Variants in BFAR observed in about 807,000 individuals in gnomAD.
BFAR encodes the protein RING finger protein 47.
In BFAR, 52 loss-of-function variants were observed where a neutral mutation model predicts 54.4. The ratio of observed to expected loss-of-function variants is 0.96; its 90% CI spans 0.77 to 1.21. BFAR has a LOEUF of 1.21. Among genes scored for constraint, BFAR ranks in the 50% most tolerant of loss-of-function variants. The probability of loss-of-function intolerance (pLI) is 0.00; values close to 1 mark genes in which losing one functional copy is unlikely to be tolerated. For missense variants in BFAR, 571 were observed against 534.0 expected (o/e 1.07, Z -0.68); for synonymous variants, 215 against 204.3 (o/e 1.05, Z -0.45).
At chr16:14,645,433 GT>G (rs1959764465) in intron 2 of BFAR, among the ~76,000 whole-genome samples, 1 of 152,200 alleles carries the variant, frequency 6.6e-6, no homozygotes, top group Non-Finnish European at 1.5e-5. Flanking sequence ...CATTAATAGA[GT>G]TTCTCATGTG....
At chr16:14,646,164 C>T (rs1959788865) in intron 2 of BFAR, among the ~76,000 whole-genome samples, 1 of 152,184 alleles carries the variant, frequency 6.6e-6, no homozygotes, top group Admixed American at 6.6e-5. Flanking sequence ...CAGTTTTCTC[C>T]TGCCTCAGCT....
In BFAR at chr16:14,655,176, G is replaced by A; in HGVS notation, c.749G>A (p.Gly250Asp). The A allele has an allele frequency of 3.2e-6, 5 of 1,566,040 alleles. No individual in the cohort carries two copies. Among genetic ancestry groups the A allele is most frequent in the Non-Finnish European group, 4.3e-6 (5 of 1,158,132 alleles). ...LMELERVKAL[G>D]VKPPQNLWEY... ...GAGCTAGAACGTGTCAAAGCATTAG[G>A]CGTGAAGCCCCCCCAGAATCTCTGG... The change falls in exon 5 of 8, where the codon GGC becomes GAC. Residue 250 changes from glycine to aspartate, a missense_variant. By Grantham distance (94) the Gly-to-Asp change is moderately conservative. Coordinates refer to ENST00000261658, the MANE Select transcript of BFAR (RefSeq NM_016561.3).
chr16:14,649,682 G>A, intron 3 of BFAR, 122 bp from the exon 4 acceptor site: 2 of 850,418 alleles, frequency 2.4e-6, no homozygotes, highest in Admixed American at 2.8e-5. Context: ...CTGCTTCTGT[G>A]TACGGGCTCC....
chr16:14,659,192 A>G (rs532437242), intron 5 of BFAR, among the ~76,000 whole-genome samples: 2 of 151,426 alleles, frequency 1.3e-5, no homozygotes, highest in South Asian at 2.1e-4. Context: ...TATAGGCGTG[A>G]GCCACCATGC....
intron 1 of BFAR, among the ~76,000 whole-genome samples, chr16:14,643,590 G>A (rs1303733353): frequency 2.0e-5 from 3 of 151,978 alleles, no homozygotes; most frequent in Non-Finnish European, 4.4e-5. Flanking sequence ...GCAATGTGGC[G>A]AAACTGCATC....
chr16:14,635,517 C>T (rs775304254), intron 1 of BFAR, among the ~76,000 whole-genome samples: 12 of 151,994 alleles, frequency 7.9e-5, no homozygotes, highest in Admixed American at 1.3e-4. Flanking sequence ...ATATATGCCA[C>T]GAGAAATGAA....
rs8057552 is a variant in BFAR, at chr16:14,638,180, C to G, written c.-74+5162C>G. 9.3e-3 allele frequency among the ~76,000 whole-genome samples: 1,413 copies of G among 152,230 alleles called. 24 individuals are homozygous for G. Among genetic ancestry groups the G allele is most frequent in the African/African-American group, 0.032 (1,319 of 41,538 alleles). Reference sequence around the variant, plus strand: ...AGATGATTGCTTGAGCCCAGGAACTCGAGACCATCATGGACAACTTAACAA... The same window carrying G: ...AGATGATTGCTTGAGCCCAGGAACTGGAGACCATCATGGACAACTTAACAA... On this transcript the variant is annotated intron_variant, in intron 1 of 7. Transcript: ENST00000261658.
rs959997115 is a variant in BFAR, at chr16:14,667,557, G to A, written c.1161-78G>A. 15 of 1,396,474 alleles carry A rather than the reference G, an allele frequency of 1.1e-5. No individual in the cohort carries two copies. The African/African-American group carries it at 1.9e-4, about 17-fold the overall frequency. 86.5% of individuals were successfully genotyped at this position (1,396,474 alleles called of 1,614,324 possible). On this transcript the variant is annotated intron_variant, in intron 7 of 7. Coordinates refer to ENST00000261658, the MANE Select transcript of BFAR (RefSeq NM_016561.3). ...GCAGCCATGCTCTTCCCAGCACCCA[G>A]AAAAGGCCCAGGGCCCGGACTCCTG... is the stretch of plus-strand genomic sequence containing the variant.
Position 14,644,305 on chromosome 16 carries a change from C to T in BFAR, c.-42C>T. ...GATGTTTTGCAGCAGTTTTCTACGT[C>T]TGAAATTTTTTATGTCTCTGGAACC... On this transcript the variant is annotated 5_prime_UTR_variant, in exon 2 of 8. Coordinates refer to ENST00000261658, the MANE Select transcript of BFAR (RefSeq NM_016561.3). The T allele has an allele frequency of 6.4e-7, 1 of 1,570,114 alleles. No homozygotes were observed. The highest frequency in any genetic ancestry group is 8.7e-7 in the Non-Finnish European group (1 of 1,153,360).
At chr16:14,634,968 C>A (rs1200057480) in intron 1 of BFAR, among the ~76,000 whole-genome samples, 1 of 152,154 alleles carries the variant, frequency 6.6e-6, no homozygotes, top group Non-Finnish European at 1.5e-5. Context: ...TTGGGTCTTT[C>A]CAGTTGGATA....
chr16:14,636,199 C>G (rs193097505), intron 1 of BFAR, among the ~76,000 whole-genome samples: 5 of 151,918 alleles, frequency 3.3e-5, no homozygotes, highest in East Asian at 1.9e-4. Context: ...TTAGGTGGAA[C>G]GAGAGACTTG....
chr16:14,644,242 G>A, intron 1 of BFAR, 32 bp from the exon 2 acceptor site: 13 of 1,145,182 alleles, frequency 1.1e-5, no homozygotes, highest in Non-Finnish European at 1.6e-5. Context: ...ACTACTATTT[G>A]CCTTATTTTT....
At chr16:14,633,775 T>G (rs1047137393) in intron 1 of BFAR, among the ~76,000 whole-genome samples, 1 of 152,122 alleles carries the variant, frequency 6.6e-6, no homozygotes, top group African/African-American at 2.4e-5. Context: ...GCCTCAGCCT[T>G]CTGAGTAGCT....
chr16:14,635,475 T>C (rs1197606919), intron 1 of BFAR, among the ~76,000 whole-genome samples: 1 of 152,178 alleles, frequency 6.6e-6, no homozygotes, highest in East Asian at 1.9e-4. Flanking sequence ...TTACTGAACA[T>C]CTACAGAGTA....
At position 14,664,908 on chromosome 16, in the gene BFAR, C is replaced by G; in HGVS notation, c.997C>G (p.Leu333Val). Residue 333 changes from leucine to valine, a missense_variant, in exon 7 of 8, where the codon CTG becomes GTG. Physicochemically the swap from Leu to Val is conservative, Grantham distance 32. Transcript: ENST00000261658. ...EPTWKQWREF[L>V]VKYSFLPYQL... is the part of the protein sequence containing the mutation. Reference sequence around the variant, plus strand: ...TACGTGGAAGCAGTGGAGAGAGTTCCTGGTCAAATACTCCTTCCTTCCATA... The same window carrying G: ...TACGTGGAAGCAGTGGAGAGAGTTCGTGGTCAAATACTCCTTCCTTCCATA... The G allele has an allele frequency of 6.2e-7, 1 of 1,613,966 alleles. No homozygotes were observed. Among genetic ancestry groups the G allele is most frequent in the Non-Finnish European group, 8.5e-7 (1 of 1,179,942 alleles).
At chr16:14,638,522 G>T (rs1462758350) in intron 1 of BFAR, among the ~76,000 whole-genome samples, 2 of 152,236 alleles carry the variant, frequency 1.3e-5, no homozygotes, top group Non-Finnish European at 2.9e-5. Context: ...GTGCAACCAT[G>T]ATCATATACT....
intron 5 of BFAR, among the ~76,000 whole-genome samples, chr16:14,660,350 G>A (rs541977033): frequency 9.9e-5 from 15 of 152,128 alleles, no homozygotes; most frequent in African/African-American, 3.6e-4. Context: ...TCAATGGCAA[G>A]ATCTTGGCTC....
chr16:14,661,284 C>T (rs1315042265), intron 5 of BFAR, among the ~76,000 whole-genome samples: 1 of 151,388 alleles, frequency 6.6e-6, no homozygotes, highest in Non-Finnish European at 1.5e-5. Flanking sequence ...AATTTTAAGA[C>T]TCTTTGATAC....
intron 1 of BFAR, among the ~76,000 whole-genome samples, chr16:14,636,805 G>A (rs967677685): frequency 2.6e-5 from 4 of 152,218 alleles, no homozygotes; most frequent in Non-Finnish European, 4.4e-5. Flanking sequence ...AGGTCCCTGC[G>A]GGCTTCCGCA....
Sources: allele counts gnomAD v4.1 joint callset (sites outside exome capture counted in the v4.1 genomes callset), GRCh38; gene constraint gnomAD v4.1.1; transcripts MANE v1.5; gene names NCBI Gene and HGNC (gene_info 2026-07-23, HGNC 2026-07-21).